The following SCRG1 variants were observed in gnomAD, a reference collection of about 807,000 sequenced individuals.
SCRG1 encodes stimulator of chondrogenesis 1.
A neutral mutation model predicts 7.7 loss-of-function variants in SCRG1; 3 were observed. The ratio of observed to expected loss-of-function variants is 0.39; its 90% CI spans 0.18 to 1.01. The LOEUF is 1.01. Ranked by LOEUF, SCRG1 falls within the 50% of genes least tolerant of loss-of-function variation. The probability of loss-of-function intolerance (pLI) is 0.36; values close to 1 mark genes in which losing one functional copy is unlikely to be tolerated. For synonymous variants in SCRG1, 46 were observed against 41.2 expected (o/e 1.12, Z -0.44); for missense variants, 110 against 117.2 (o/e 0.94, Z 0.28).
chr4:173,440,441 C>A, the SCRG1 span, among the ~76,000 whole-genome samples: 1 of 152,206 alleles, frequency 6.6e-6, no homozygotes, highest in Non-Finnish European at 1.5e-5. Flanking sequence ...TTGGAATTGC[C>A]AGTCCTGGCT....
At chr4:173,449,352 G>A in the SCRG1 span, among the ~76,000 whole-genome samples, 4 of 152,010 alleles carry the variant, frequency 2.6e-5, no homozygotes, top group African/African-American at 9.7e-5. Context: ...TTGACACTCT[G>A]GCTATCCCTG....
At chr4:173,511,284 A>T in the SCRG1 span, among the ~76,000 whole-genome samples, 1 of 152,150 alleles carries the variant, frequency 6.6e-6, no homozygotes, top group East Asian at 1.9e-4. The surrounding 1 kb of genome is among the most constrained non-coding windows in gnomAD (Gnocchi z 5.2). Flanking sequence ...CGGGTGGAAA[A>T]CATTAGCTTC....
At chr4:173,518,479 C>A in the SCRG1 span, among the ~76,000 whole-genome samples, 1 of 152,170 alleles carries the variant, frequency 6.6e-6, no homozygotes, top group African/African-American at 2.4e-5. Flanking sequence ...ACTCGGGACC[C>A]AGACTAGCAA....
the SCRG1 span, among the ~76,000 whole-genome samples, chr4:173,428,223 A>T: frequency 6.6e-6 from 1 of 152,178 alleles, no homozygotes; most frequent in Non-Finnish European, 1.5e-5. Flanking sequence ...GGGAATCACA[A>T]TTTACCCCTT....
At chr4:173,484,449 A>ATATATATTATATGCATATAATATATAT in the SCRG1 span, among the ~76,000 whole-genome samples, 1 of 12,116 alleles carries the variant, frequency 8.3e-5, no homozygotes. Context: ...ATGATATATA[A>ATATATATTATATGCATATAATATATAT]TATATATTAT....
At chr4:173,411,322 A>G (rs1056823931), upstream of SCRG1, among the ~76,000 whole-genome samples, 5 of 152,238 alleles carry the variant, frequency 3.3e-5, no homozygotes, top group Non-Finnish European at 7.3e-5. Context: ...AAGATTCAGG[A>G]AGTATGAGAA....
chr4:173,442,531 C>A, the SCRG1 span, among the ~76,000 whole-genome samples: 2 of 152,160 alleles, frequency 1.3e-5, no homozygotes, highest in African/African-American at 4.8e-5. Context: ...CTGAGGAGTC[C>A]TGTAGAGCAG....
At chr4:173,418,578 G>C in the SCRG1 span, among the ~76,000 whole-genome samples, 1 of 152,208 alleles carries the variant, frequency 6.6e-6, no homozygotes, top group African/African-American at 2.4e-5. Flanking sequence ...ACACGAGTCT[G>C]GTTGACTCCA....
the SCRG1 span, among the ~76,000 whole-genome samples, chr4:173,454,507 C>T: frequency 6.6e-6 from 1 of 152,186 alleles, no homozygotes; most frequent in Admixed American, 6.5e-5. Context: ...TTATTTTCTT[C>T]ACTAAAGAGT....
At chr4:173,441,767 T>G in the SCRG1 span, among the ~76,000 whole-genome samples, 1 of 152,168 alleles carries the variant, frequency 6.6e-6, no homozygotes, top group Non-Finnish European at 1.5e-5. Context: ...CCCAATGCTT[T>G]GGAAGGCTGA....
chr4:173,442,648 A>G, the SCRG1 span, among the ~76,000 whole-genome samples: 1 of 152,190 alleles, frequency 6.6e-6, no homozygotes, highest in African/African-American at 2.4e-5. Context: ...ATTTGTAAAG[A>G]ACAGAAGTTT....
chr4:173,493,083 G>A, the SCRG1 span, among the ~76,000 whole-genome samples: 2 of 152,144 alleles, frequency 1.3e-5, no homozygotes. Context: ...GTAACCGAGA[G>A]CCGTGTTGTT....
In SCRG1 at chr4:173,391,370, C is replaced by A. The variant is rs747951694; in HGVS notation, c.45G>T (p.Leu15=). The change falls in exon 2 of 3, where the codon CTG becomes CTT. Residue 15 remains leucine, a synonymous_variant. Coordinates refer to ENST00000296506, the MANE Select transcript of SCRG1 (RefSeq NM_007281.4). ...TTGCAGGCATGGCTTGAACTCCTAG[C>A]AGCAAAGTTAGCCCAATGGTGAAAA... ...VLVFTIGLTL[L]LGVQAMPANR... is the part of the protein sequence containing the mutation. 6.2e-7 allele frequency: 1 copy of A among 1,614,200 alleles called. No individual in the cohort carries two copies. Among genetic ancestry groups the A allele is most frequent in the South Asian group, 1.1e-5 (1 of 91,082 alleles).
At chr4:173,474,880 A>G in the SCRG1 span, among the ~76,000 whole-genome samples, 14 of 152,306 alleles carry the variant, frequency 9.2e-5, no homozygotes, top group African/African-American at 3.1e-4. Context: ...ACAAGAAAGT[A>G]AATAAGATGA....
chr4:173,517,627 G>C, the SCRG1 span, among the ~76,000 whole-genome samples: 3 of 152,122 alleles, frequency 2.0e-5, no homozygotes, highest in South Asian at 6.2e-4. Flanking sequence ...GATTGTTTCT[G>C]GTATAAAATA....
the SCRG1 span, among the ~76,000 whole-genome samples, chr4:173,484,955 T>TATAA: frequency 1.9e-3 from 97 of 51,968 alleles, 13 homozygotes; most frequent in African/African-American, 6.2e-3. Context: ...ATATATAATA[T>TATAA]TATATATATT....
chr4:173,497,542 C>T, the SCRG1 span, among the ~76,000 whole-genome samples: 1 of 150,738 alleles, frequency 6.6e-6, no homozygotes, highest in Admixed American at 6.6e-5. Context: ...TCAAGGTCAA[C>T]CAAGGCCAGG....
At chr4:173,508,133 T>C in the SCRG1 span, among the ~76,000 whole-genome samples, 1 of 152,166 alleles carries the variant, frequency 6.6e-6, no homozygotes, top group Non-Finnish European at 1.5e-5. This position sits in a 1 kb window ranked among gnomAD's most constrained non-coding sequence, Gnocchi z 4.4. Flanking sequence ...TCCTGGCTGC[T>C]AAAGTTGACA....
the SCRG1 span, among the ~76,000 whole-genome samples, chr4:173,505,278 A>C: frequency 6.6e-6 from 1 of 152,112 alleles, no homozygotes; most frequent in Non-Finnish European, 1.5e-5. This position sits in a 1 kb window ranked among gnomAD's most constrained non-coding sequence, Gnocchi z 4.4. Flanking sequence ...AGGACTCTTT[A>C]ACAACAATTT....
Sources: gnomAD v4.1 joint callset for allele counts (sites outside exome capture counted in the v4.1 genomes callset) on GRCh38, gnomAD v4.1.1 for gene constraint, Gnocchi (gnomAD v3.1) non-coding constraint, MANE v1.5 for transcripts, NCBI Gene and HGNC (gene_info 2026-07-23, HGNC 2026-07-21) for gene names.